The following SHANK2 variants were observed in gnomAD, a reference collection of about 807,000 sequenced individuals.
The protein encoded by SHANK2 is SH3 and multiple ankyrin repeat domains 2, also known as SH3 and multiple ankyrin repeat domains protein 2.
SHANK2 carries 43 observed loss-of-function variants against 133.7 expected under a neutral mutation model. The observed-to-expected ratio is 0.32, with a 90% confidence interval of 0.25 to 0.41. The LOEUF is 0.41. Among genes scored for constraint, SHANK2 ranks in the 10% least tolerant of loss-of-function variants. SHANK2 has a pLI of 1.00. For missense variants in SHANK2, 1,994 were observed against 2,235.8 expected, an observed-to-expected ratio of 0.89 and a Z score of 2.18; for synonymous variants, 1,017 against 952.8, an observed-to-expected ratio of 1.07 and a Z score of -1.24.
At chr11:70,948,682 T>C (rs1318457699) in intron 10 of SHANK2, among the ~76,000 whole-genome samples, 5 of 152,074 alleles carry the variant, frequency 3.3e-5, no homozygotes, top group Non-Finnish European at 7.4e-5. Flanking sequence ...CAGGGAGCGG[T>C]GGGGAGTGTG....
intron 21 of SHANK2, among the ~76,000 whole-genome samples, chr11:70,497,863 G>A (rs1565539350): frequency 6.6e-6 from 1 of 152,230 alleles, no homozygotes; most frequent in African/African-American, 2.4e-5. Flanking sequence ...TGGAAAATAG[G>A]CTCTGCACTG....
At chr11:70,483,952 G>A (rs948543847) in intron 25 of SHANK2, among the ~76,000 whole-genome samples, 1 of 152,190 alleles carries the variant, frequency 6.6e-6, no homozygotes, top group Admixed American at 6.5e-5. Context: ...TGCATCTTGA[G>A]CCCCAGCTGT....
intron 3 of SHANK2, among the ~76,000 whole-genome samples, chr11:71,119,578 CAAAAAA>C (rs55759811): frequency 7.4e-6 from 1 of 134,480 alleles, no homozygotes; most frequent in East Asian, 2.2e-4. Context: ...GACTCCATCT[CAAAAAA>C]AAAAAAAAAA....
rs913225954 is a variant in SHANK2, at chr11:71,087,171, G to A, written c.912+5251C>T. Among the ~76,000 whole-genome samples the A allele has an allele frequency of 2.5e-4, 38 of 152,310 alleles. 1 individual carries two copies. The South Asian group carries it at 7.3e-3, about 29-fold the overall frequency. On this transcript the variant is annotated intron_variant, in intron 8 of 25. Coordinates refer to ENST00000601538, the MANE Select transcript of SHANK2 (RefSeq NM_012309.5). The stretch of plus-strand genomic sequence containing the variant: ...CTGAATGCAAAGCGCAGGGCCTCAG[G>A]GACAGAACCTGGCCCTTTGCAGGCC...
At chr11:70,523,577 C>G (rs947519765) in intron 17 of SHANK2, among the ~76,000 whole-genome samples, 6 of 152,256 alleles carry the variant, frequency 3.9e-5, no homozygotes, top group African/African-American at 1.2e-4. Context: ...TACTGCAGCC[C>G]GGCTTTCCCA....
chr11:71,103,645 T>C (rs1323914345), intron 6 of SHANK2, among the ~76,000 whole-genome samples: 1 of 152,218 alleles, frequency 6.6e-6, no homozygotes, highest in Non-Finnish European at 1.5e-5. Flanking sequence ...ATGGGTGTCC[T>C]GCCCAAATCT....
At position 71,113,274 on chromosome 11, in the gene SHANK2, CA is replaced by C; in HGVS notation, c.483+18del. 5.2e-6 allele frequency: 8 copies of C among 1,550,618 alleles called. No homozygotes were observed. Among genetic ancestry groups the C allele is most frequent in the Non-Finnish European group, 7.0e-6 (8 of 1,146,024 alleles). Reference sequence around the variant, plus strand: ...CGCCGCCTGCCTAACGTGTAAATAACAGCCCGTTCCCTGCATACCTTCGTGT... The same window carrying C: ...CGCCGCCTGCCTAACGTGTAAATAACGCCCGTTCCCTGCATACCTTCGTGT... On this transcript the variant is annotated intron_variant, in intron 5 of 25. Coordinates refer to ENST00000601538, the MANE Select transcript of SHANK2 (RefSeq NM_012309.5).
intron 17 of SHANK2, among the ~76,000 whole-genome samples, chr11:70,602,126 G>C (rs2060506043): frequency 6.6e-6 from 1 of 152,136 alleles, no homozygotes; most frequent in African/African-American, 2.4e-5. Flanking sequence ...CCCCTTGCTT[G>C]CTTTCGCTCT....
chr11:70,605,338 C>T (rs1009819263), intron 17 of SHANK2, among the ~76,000 whole-genome samples: 2 of 152,236 alleles, frequency 1.3e-5, no homozygotes, highest in South Asian at 2.1e-4. Flanking sequence ...TGGCTGGCCA[C>T]GCCCAGAAGG....
intron 17 of SHANK2, among the ~76,000 whole-genome samples, chr11:70,571,076 G>C (rs12281359): frequency 0.07 from 10,687 of 152,166 alleles, 704 homozygotes; most frequent in African/African-American, 0.18. Flanking sequence ...GCGGATTCTA[G>C]GGAATGACTC....
intron 8 of SHANK2, among the ~76,000 whole-genome samples, chr11:71,085,440 A>G (rs1266228080): frequency 1.4e-5 from 2 of 138,842 alleles, no homozygotes; most frequent in Admixed American, 1.6e-4. Flanking sequence ...TGGGCAACAG[A>G]GCAAGACTCC....
intron 1 of SHANK2, among the ~76,000 whole-genome samples, chr11:71,246,304 C>G (rs1954960138): frequency 6.6e-6 from 1 of 152,070 alleles, no homozygotes. Context: ...CCATTCCCCA[C>G]CCCCACCGAG....
At chr11:70,582,308 C>A (rs1198359404) in intron 17 of SHANK2, among the ~76,000 whole-genome samples, 2 of 152,262 alleles carry the variant, frequency 1.3e-5, no homozygotes, top group Middle Eastern at 3.2e-3. Flanking sequence ...GCTAACTCTA[C>A]TACTGCTGAC....
intron 2 of SHANK2, among the ~76,000 whole-genome samples, chr11:71,147,617 C>G (rs1334147280): frequency 6.6e-6 from 1 of 152,234 alleles, no homozygotes; most frequent in Non-Finnish European, 1.5e-5. Context: ...CGCTGTGAAA[C>G]CCCGGCACTC....
chr11:71,249,325 G>GT (rs1948139392), intron 1 of SHANK2, among the ~76,000 whole-genome samples: 1 of 152,142 alleles, frequency 6.6e-6, no homozygotes, highest in Non-Finnish European at 1.5e-5. Flanking sequence ...AACGGACAGG[G>GT]TCAAGAACTT....
At chr11:70,722,258 T>C (rs4980633) in intron 14 of SHANK2, among the ~76,000 whole-genome samples, 16,335 of 152,288 alleles carry the variant, frequency 0.11, 1,065 homozygotes, top group South Asian at 0.29. Context: ...TGGGAGGCAT[T>C]TGTGCAAAGT....
intron 17 of SHANK2, among the ~76,000 whole-genome samples, chr11:70,562,619 C>A (rs1346229380): frequency 6.6e-6 from 1 of 152,154 alleles, no homozygotes; most frequent in African/African-American, 2.4e-5. Flanking sequence ...GTGGTATATG[C>A]CTTTCCACCT....
At chr11:71,129,465 C>T (rs1259865894) in intron 3 of SHANK2, among the ~76,000 whole-genome samples, 1 of 152,074 alleles carries the variant, frequency 6.6e-6, no homozygotes, top group Non-Finnish European at 1.5e-5. Flanking sequence ...ATAGGGAAAC[C>T]GTCTCTACGA....
intron 17 of SHANK2, among the ~76,000 whole-genome samples, chr11:70,598,317 G>A (rs1554989985): frequency 1.3e-5 from 2 of 152,182 alleles, no homozygotes; most frequent in Non-Finnish European, 2.9e-5. Context: ...GCTTGGCAGG[G>A]AGCCCTTGAC....
Sources: allele counts gnomAD v4.1 joint callset (sites outside exome capture counted in the v4.1 genomes callset), GRCh38; gene constraint gnomAD v4.1.1; transcripts MANE v1.5; gene names NCBI Gene and HGNC (gene_info 2026-07-23, HGNC 2026-07-21).